The following UNC45A variants were observed in gnomAD, a reference collection of about 807,000 sequenced individuals.
The protein encoded by UNC45A is protein unc-45 homolog A.
UNC45A carries 78 observed loss-of-function variants against 103.2 expected under a neutral mutation model. The ratio of observed to expected loss-of-function variants is 0.76; its 90% CI spans 0.63 to 0.91. The LOEUF is 0.91. UNC45A is among the 40% of genes least tolerant of loss of function. UNC45A has a pLI of 0.00. For synonymous variants in UNC45A, 495 were observed against 504.6 expected (o/e 0.98, Z 0.25); for missense variants, 1,193 against 1,224.8 (o/e 0.97, Z 0.39).
chr15:90,940,496 T>A (rs772525915), intron 6 of UNC45A, 23 bp downstream of exon 6: 2 of 1,599,926 alleles, frequency 1.3e-6, no homozygotes, highest in African/African-American at 2.7e-5. Context: ...GAGAGGCTGG[T>A]TACAGCTTCA....
chr15:90,943,372 T>A (rs1162837650), intron 8 of UNC45A, among the ~76,000 whole-genome samples: 2 of 145,092 alleles, frequency 1.4e-5, no homozygotes, highest in Non-Finnish European at 3.0e-5. Context: ...AAGTCTTCAG[T>A]GAGCTGTGAT....
chr15:90,934,959 C>T (rs2035926891), upstream of UNC45A: 3 of 471,424 alleles, frequency 6.4e-6, no homozygotes, highest in Non-Finnish European at 1.1e-5. Context: ...CAGGCCCGCT[C>T]CTAGTGCTGG....
chr15:90,940,077 G>A (rs1455060909), intron 5 of UNC45A, among the ~76,000 whole-genome samples: 1 of 152,244 alleles, frequency 6.6e-6, no homozygotes, highest in African/African-American at 2.4e-5. Context: ...CACTGTCCCA[G>A]CCCCTCAGGC....
chr15:90,943,113 C>T (rs1216766201), intron 8 of UNC45A, 31 bp downstream of exon 8: 2 of 1,573,122 alleles, frequency 1.3e-6, no homozygotes, highest in Non-Finnish European at 1.7e-6. Context: ...AAACTTGCTT[C>T]AGCAGCTGAA....
At chr15:90,942,644 G>C (rs757694554) in intron 7 of UNC45A, 39 bp downstream of exon 7, 3 of 1,613,580 alleles carry the variant, frequency 1.9e-6, no homozygotes, top group Admixed American at 1.7e-5. Context: ...GGACGTTACT[G>C]TCATGGAAGG....
upstream of UNC45A, chr15:90,932,406 C>T (rs2035833529): frequency 7.7e-7 from 1 of 1,302,690 alleles, no homozygotes; most frequent in South Asian, 2.0e-5. Flanking sequence ...CCGCAGCCGG[C>T]GCTCCGCGGC....
chr15:90,938,377 C>T (rs2036122561), intron 4 of UNC45A, among the ~76,000 whole-genome samples: 1 of 152,148 alleles, frequency 6.6e-6, no homozygotes, highest in South Asian at 2.1e-4. Flanking sequence ...AAGCAGATAA[C>T]ATGATGGCAG....
chr15:90,944,659 C>G (rs1425902596), intron 8 of UNC45A, among the ~76,000 whole-genome samples: 1 of 152,094 alleles, frequency 6.6e-6, no homozygotes, highest in Non-Finnish European at 1.5e-5. Context: ...GCGTTTGGCC[C>G]CAGGGGCAGG....
chr15:90,939,877 A>T, intron 5 of UNC45A, 54 bp downstream of exon 5: 1 of 1,555,410 alleles, frequency 6.4e-7, no homozygotes, highest in Non-Finnish European at 8.8e-7. Context: ...CCACCCATCC[A>T]TAGGCCCCCG....
upstream of UNC45A, chr15:90,932,100 C>T (rs773889911): frequency 6.3e-7 from 1 of 1,595,976 alleles, no homozygotes; most frequent in Non-Finnish European, 8.6e-7. Flanking sequence ...GGGTCAGGAT[C>T]CGTGCCACAC....
chr15:90,942,638 G>A (rs763134844), intron 7 of UNC45A, 33 bp downstream of exon 7: 63 of 1,613,650 alleles, frequency 3.9e-5, no homozygotes, highest in Admixed American at 1.3e-4. Context: ...TCTTTTGGAC[G>A]TTACTGTCAT....
At chr15:90,949,465 C>G in intron 14 of UNC45A, 22 bp downstream of exon 14, 1 of 1,612,176 alleles carries the variant, frequency 6.2e-7, no homozygotes, top group Non-Finnish European at 8.5e-7. Flanking sequence ...TTGGTAGGAG[C>G]CAACCTTTCC....
rs536072229 is a variant in UNC45A, at chr15:90,940,857, G to A, written c.687+384G>A. 23 of 157,362 alleles carry A rather than the reference G, an allele frequency of 1.5e-4. No individual in the cohort carries two copies. In the South Asian group the frequency reaches 3.7e-3, roughly 25 times the overall value. The allele number at this position is 157,362 out of a possible 1,614,324, so 9.7% of individuals were successfully genotyped here. ...GAACCCAGGAGGTGGAGGTTGTGGT[G>A]AGCTGAGATCGCGCCACTGCACTCC... On this transcript the variant is annotated intron_variant, in intron 6 of 19. Transcript: ENST00000418476.
chr15:90,947,251 T>C, intron 10 of UNC45A: 1 of 313,610 alleles, frequency 3.2e-6, no homozygotes, highest in Non-Finnish European at 6.1e-6. Context: ...GCATGGCTCC[T>C]CCCTCCATGG....
intron 15 of UNC45A, 44 bp from the exon 16 acceptor site, chr15:90,950,110 T>G: frequency 3.3e-6 from 5 of 1,536,218 alleles, no homozygotes; most frequent in Non-Finnish European, 4.4e-6. Context: ...GTCGGGGTCT[T>G]ACTCCCAGGG....
At position 90,953,605 on chromosome 15, in the gene UNC45A, C is replaced by A; in HGVS notation, c.2724C>A (p.Ile908=). ...STLMESEMME[I]LSVLAKGDHS... ...TGATGGAGAGTGAGATGATGGAGATCTTGTCAGTGCTAGCTAAGGGTGACC... is the reference window on the plus strand; with the variant it reads ...TGATGGAGAGTGAGATGATGGAGATATTGTCAGTGCTAGCTAAGGGTGACC... The change falls in exon 20 of 20, where the codon ATC becomes ATA. Residue 908 remains isoleucine (I), a synonymous_variant. Transcript: ENST00000418476. 1 of 1,614,116 alleles carries A rather than the reference C, an allele frequency of 6.2e-7. No individual in the cohort carries two copies. Among genetic ancestry groups the A allele is most frequent in the East Asian group, 2.2e-5 (1 of 44,888 alleles).
rs2036024288 is a variant in UNC45A, at chr15:90,936,407, A to G, written c.373A>G (p.Asn125Asp). The change falls in exon 4 of 20, where the codon AAC becomes GAC. Residue 125 changes from asparagine to aspartate, a missense_variant. Coordinates refer to ENST00000418476, the MANE Select transcript of UNC45A (RefSeq NM_018671.5). The stretch of plus-strand genomic sequence containing the variant: ...GAGATGTGTGAGCTTGGAGCCCAAG[A>G]ACAAAGTTTTCCAGGAGGCCTTGCG... ...LQRCVSLEPK[N>D]KVFQEALRNI... The G allele has an allele frequency of 6.2e-7, 1 of 1,614,198 alleles. No individual in the cohort carries two copies. Among genetic ancestry groups the G allele is most frequent in the Non-Finnish European group, 8.5e-7 (1 of 1,180,032 alleles).
At chr15:90,949,494 G>A in intron 14 of UNC45A, 51 bp downstream of exon 14, 2 of 1,607,816 alleles carry the variant, frequency 1.2e-6, no homozygotes, top group East Asian at 2.2e-5. Context: ...GAGCCTCAGG[G>A]CTGCAGATGT....
intron 8 of UNC45A, among the ~76,000 whole-genome samples, chr15:90,943,966 G>A (rs1442257768): frequency 7.1e-6 from 1 of 140,084 alleles, no homozygotes; most frequent in Non-Finnish European, 1.5e-5. Context: ...TGGGATTACC[G>A]TCATGAGCCA....
Sources: allele counts gnomAD v4.1 joint callset (sites outside exome capture counted in the v4.1 genomes callset), GRCh38; gene constraint gnomAD v4.1.1; transcripts MANE v1.5; gene names NCBI Gene and HGNC (gene_info 2026-07-23, HGNC 2026-07-21).